VSX2: variants seen among roughly 807,000 people sequenced by gnomAD.
VSX2 encodes visual system homeobox 2.
A neutral mutation model predicts 32.1 loss-of-function variants in VSX2; 28 were observed. That is an observed-to-expected ratio of 0.87 (90% CI 0.65 to 1.20). The LOEUF (loss-of-function observed/expected upper bound fraction) is 1.20. Among genes scored for constraint, VSX2 ranks in the 50% most tolerant of loss-of-function variants. The probability of loss-of-function intolerance (pLI) is 0.00; values close to 1 mark genes in which losing one functional copy is unlikely to be tolerated. For synonymous variants in VSX2, 243 were observed against 214.1 expected (o/e 1.14, Z -1.18); for missense variants, 506 against 488.7 (o/e 1.04, Z -0.33).
intron 3 of VSX2, among the ~76,000 whole-genome samples, chr14:74,249,974 C>G (rs2079218627): frequency 6.6e-6 from 1 of 151,042 alleles, no homozygotes; most frequent in African/African-American, 2.4e-5. Flanking sequence ...AAATAAAACG[C>G]TGGTGCCTGT....
rs1030271841 is a variant in VSX2 at position 74,246,422 on chromosome 14, T to A, written c.579+1134T>A. Among the ~76,000 whole-genome samples the A allele has an allele frequency of 2.6e-5, 4 of 152,346 alleles. No homozygotes were observed. In the South Asian group the frequency reaches 6.2e-4, roughly 24 times the overall value. On this transcript the variant is annotated intron_variant, in intron 3 of 4. Coordinates refer to ENST00000261980, the MANE Select transcript of VSX2 (RefSeq NM_182894.3). ...GAATGTGAAATGAGGCTGTGAGGCCTTCCTCTCCCCTGGAAATCTATTTGG... is the reference window on the plus strand; with the variant it reads ...GAATGTGAAATGAGGCTGTGAGGCCATCCTCTCCCCTGGAAATCTATTTGG...
At chr14:74,244,917 T>TGAGA (rs1157174143) in intron 2 of VSX2, among the ~76,000 whole-genome samples, 100 of 52,012 alleles carry the variant, frequency 1.9e-3, no homozygotes, top group African/African-American at 3.8e-3. Context: ...TGTGTGTGTG[T>TGAGA]GTGTGTGTGT....
chr14:74,253,664 C>CG (rs757789410), intron 3 of VSX2, among the ~76,000 whole-genome samples: 2 of 152,212 alleles, frequency 1.3e-5, no homozygotes, highest in Non-Finnish European at 2.9e-5. Context: ...GGTGTGGTGG[C>CG]TCACGCCTGT....
intron 3 of VSX2, among the ~76,000 whole-genome samples, chr14:74,246,188 C>T (rs1269927042): frequency 6.6e-6 from 1 of 152,222 alleles, no homozygotes; most frequent in Non-Finnish European, 1.5e-5. Flanking sequence ...GAAAGCTGCT[C>T]CCATCGCCTG....
chr14:74,240,540 T>C (rs2079142323), intron 1 of VSX2, among the ~76,000 whole-genome samples: 1 of 151,972 alleles, frequency 6.6e-6, no homozygotes, highest in Admixed American at 6.5e-5. Context: ...CTGGGTGACC[T>C]CTCCGCCTTC....
At position 74,245,242 on chromosome 14, in the gene VSX2, G is replaced by A. The variant is rs886050738; in HGVS notation, c.533G>A (p.Arg178Gln). ...NEAHYPDVYAREMLAMKTELP... is the reference protein window; with the variant it reads ...NEAHYPDVYAQEMLAMKTELP... ...GCCCACTACCCAGACGTCTATGCCC[G>A]GGAGATGCTGGCCATGAAAACGGAG... is the stretch of plus-strand genomic sequence containing the variant. The change falls in exon 3 of 5, where the codon CGG becomes CAG. Residue 178 changes from arginine to glutamine, a missense_variant. Arg to Gln is a conservative substitution (Grantham distance 43). Transcript: ENST00000261980. 4.3e-6 allele frequency: 7 copies of A among 1,613,614 alleles called. No homozygotes were observed. The highest frequency in any genetic ancestry group is 2.2e-5 in the South Asian group (2 of 91,024).
chr14:74,260,329 T>A (rs1457052682), intron 4 of VSX2, among the ~76,000 whole-genome samples: 1 of 152,158 alleles, frequency 6.6e-6, no homozygotes, highest in South Asian at 2.1e-4. Context: ...CAGGGGAGCA[T>A]GTGCTGTGGC....
chr14:74,240,048 G>C, intron 1 of VSX2, 117 bp downstream of exon 1: 1 of 1,379,824 alleles, frequency 7.2e-7, no homozygotes, highest in Non-Finnish European at 9.7e-7. Flanking sequence ...TGCCAGGCCG[G>C]GGGTCGCCGC....
chr14:74,260,981 G>A lies in VSX2; in HGVS notation c.*62G>A. The A allele has an allele frequency of 6.5e-7, 1 of 1,534,226 alleles. No individual in the cohort carries two copies. Among genetic ancestry groups the A allele is most frequent in the South Asian group, 1.2e-5 (1 of 83,498 alleles). On this transcript the variant is annotated 3_prime_UTR_variant, in exon 5 of 5. Coordinates refer to ENST00000261980, the MANE Select transcript of VSX2 (RefSeq NM_182894.3). ...TGCTCTCCTCGGGCCCTGTGGTGCT[G>A]GGAGATGCTCTCTGAGGCAAGGCCC...
chr14:74,243,567 A>G (rs1340932234), intron 2 of VSX2, among the ~76,000 whole-genome samples: 1 of 152,082 alleles, frequency 6.6e-6, no homozygotes, highest in African/African-American at 2.4e-5. Context: ...GGTTTTGGAA[A>G]GGACTTGAAT....
chr14:74,245,112 G>T, intron 2 of VSX2, 53 bp from the exon 3 acceptor site: 2 of 1,611,400 alleles, frequency 1.2e-6, no homozygotes, highest in South Asian at 2.2e-5. Context: ...TCTTGTCTGA[G>T]ACAGGCTCTT....
chr14:74,260,635 A>C lies in VSX2; in HGVS notation c.802A>C (p.Arg268=). The C allele has an allele frequency of 6.2e-7, 1 of 1,607,134 alleles. No homozygotes were observed. Among genetic ancestry groups the C allele is most frequent in the Non-Finnish European group, 8.5e-7 (1 of 1,177,442 alleles). Reference sequence around the variant, plus strand: ...GCTGGAGGCAGCAGCCGAGTCGGGGAGGAAGCCCGAGGGGGAACGCCAGGC... The same window carrying C: ...GCTGGAGGCAGCAGCCGAGTCGGGGCGGAAGCCCGAGGGGGAACGCCAGGC... The part of the protein sequence containing the change: ...KSLEAAAESG[R]KPEGERQALP... The change falls in exon 5 of 5, where the codon AGG becomes CGG. Residue 268 remains arginine, a synonymous_variant. Coordinates refer to ENST00000261980, the MANE Select transcript of VSX2 (RefSeq NM_182894.3).
rs1378039745 is a variant in VSX2 at position 74,243,385 on chromosome 14, A to G, written c.456-1780A>G. Among the ~76,000 whole-genome samples, 3 of 152,216 alleles carry G rather than the reference A, an allele frequency of 2.0e-5. No individual in the cohort carries two copies. In the East Asian group the frequency reaches 5.8e-4, roughly 29 times the overall value. On this transcript the variant is annotated intron_variant, in intron 2 of 4. Coordinates refer to ENST00000261980, the MANE Select transcript of VSX2 (RefSeq NM_182894.3). Reference sequence around the variant, plus strand: ...CCAGGAACACAGGCTGGGTCACATTATGGGGGAAGTGTGTCAGCTCTGAGG... The same window carrying G: ...CCAGGAACACAGGCTGGGTCACATTGTGGGGGAAGTGTGTCAGCTCTGAGG...
Position 74,260,776 on chromosome 14 carries a change from G to C in VSX2, c.943G>C (p.Glu315Gln). The change falls in exon 5 of 5, where the codon GAG (glutamate) becomes CAG (glutamine). Residue 315 changes from glutamate (E) to glutamine (Q), a missense_variant. By Grantham distance (29) the Glu-to-Gln change is conservative. Coordinates refer to ENST00000261980, the MANE Select transcript of VSX2 (RefSeq NM_182894.3). Reference sequence around the variant, plus strand: ...TGCGGTGCTCCGGGCCAAAGCTCAGGAGCACAGCACCAAAGTGCTGGGGAC... The same window carrying C: ...TGCGGTGCTCCGGGCCAAAGCTCAGCAGCACAGCACCAAAGTGCTGGGGAC... Reference protein sequence around the residue: ...SIAVLRAKAQEHSTKVLGTVS... With the variant: ...SIAVLRAKAQQHSTKVLGTVS... 6.3e-7 allele frequency: 1 copy of C among 1,582,226 alleles called. No individual in the cohort carries two copies. Among genetic ancestry groups the C allele is most frequent in the South Asian group, 1.2e-5 (1 of 86,530 alleles).
rs559252101 is a variant in VSX2, at chr14:74,239,507, G to C, written c.-55G>C. 41 of 1,548,978 alleles carry C rather than the reference G, an allele frequency of 2.6e-5. No individual in the cohort carries two copies. The East Asian group carries it at 2.9e-4, about 11-fold the overall frequency. The stretch of plus-strand genomic sequence containing the variant: ...ACTTCGCGAAGCGGGAAGCCCGGCG[G>C]GGGGGTGGGGGGAGCTAAAGACCTG... On this transcript the variant is annotated 5_prime_UTR_variant, in exon 1 of 5. Coordinates refer to ENST00000261980, the MANE Select transcript of VSX2 (RefSeq NM_182894.3).
chr14:74,259,918 C>T, intron 4 of VSX2, 136 bp downstream of exon 4: 1 of 979,666 alleles, frequency 1.0e-6, no homozygotes, highest in Admixed American at 2.8e-5. Context: ...CAAAGCAAAC[C>T]TCTTGGTCTA....
At position 74,260,634 on chromosome 14, in the gene VSX2, G is replaced by C. The variant is rs1285149071; in HGVS notation, c.801G>C (p.Gly267=). Residue 267 remains glycine, a synonymous_variant, in exon 5 of 5, where the codon GGG becomes GGC. Coordinates refer to ENST00000261980, the MANE Select transcript of VSX2 (RefSeq NM_182894.3). ...KKSLEAAAES[G]RKPEGERQAL... ...CGCTGGAGGCAGCAGCCGAGTCGGG[G>C]AGGAAGCCCGAGGGGGAACGCCAGG... The C allele has an allele frequency of 6.2e-7, 1 of 1,607,212 alleles. No individual in the cohort carries two copies. Among genetic ancestry groups the C allele is most frequent in the South Asian group, 1.1e-5 (1 of 89,406 alleles).
chr14:74,241,252 G>A lies in VSX2; in HGVS notation c.441G>A (p.Lys147=). The A allele has an allele frequency of 6.2e-7, 1 of 1,613,142 alleles. No homozygotes were observed. The highest frequency in any genetic ancestry group is 1.6e-4 in the Middle Eastern group (1 of 6,062). Residue 147 remains lysine, a synonymous_variant, in exon 2 of 5, where the codon AAG becomes AAA. Transcript: ENST00000261980. ...KSALNQTKKR[K]KRRHRTIFTS... is the part of the protein sequence containing the mutation. ...CTTTAAACCAGACCAAGAAACGGAA[G>A]AAGCGGCGACACAGGTGAGGCCCCC...
chr14:74,240,498 C>G (rs1415281353), intron 1 of VSX2, among the ~76,000 whole-genome samples: 1 of 152,064 alleles, frequency 6.6e-6, no homozygotes, highest in Non-Finnish European at 1.5e-5. Flanking sequence ...CCACTATATA[C>G]TGGAGCCCGG....
Sources: gnomAD v4.1 joint callset for allele counts (sites outside exome capture counted in the v4.1 genomes callset) on GRCh38, gnomAD v4.1.1 for gene constraint, MANE v1.5 for transcripts, NCBI Gene and HGNC (gene_info 2026-07-23, HGNC 2026-07-21) for gene names.